ROBO1: variants seen among roughly 807,000 people sequenced by gnomAD.
ROBO1 encodes the protein roundabout guidance receptor 1, also known as roundabout homolog 1.
In ROBO1, 149 loss-of-function variants were observed where a neutral mutation model predicts 195.9. That is an observed-to-expected ratio of 0.76 (90% CI 0.67 to 0.87). The LOEUF (loss-of-function observed/expected upper bound fraction) is 0.87, where lower values mean the gene tolerates loss of function less well. ROBO1 is among the 40% of genes least tolerant of loss of function. The pLI is 0.00. For missense variants in ROBO1, 1,933 were observed against 2,068.3 expected (o/e 0.93, Z 1.27); for synonymous variants, 816 against 733.2 (o/e 1.11, Z -1.82).
intron 2 of ROBO1, among the ~76,000 whole-genome samples, chr3:79,334,540 T>C (rs2034588427): frequency 6.6e-6 from 1 of 151,774 alleles, no homozygotes; most frequent in African/African-American, 2.4e-5. Context: ...GATAAACTTG[T>C]GTTCAGAGAA....
chr3:79,377,735 A>C (rs1469478408), intron 2 of ROBO1, among the ~76,000 whole-genome samples: 1 of 152,192 alleles, frequency 6.6e-6, no homozygotes, highest in Non-Finnish European at 1.5e-5. Context: ...TTCCTGCTGT[A>C]TCTCTCTAGC....
At chr3:78,929,359 T>C (rs1044717966) in intron 4 of ROBO1, among the ~76,000 whole-genome samples, 5 of 152,218 alleles carry the variant, frequency 3.3e-5, no homozygotes, top group Admixed American at 2.6e-4. Flanking sequence ...TTTTATCCCC[T>C]ACCAGACAGA....
chr3:78,617,629 A>T lies in ROBO1; in HGVS notation c.4282+6T>A. On this transcript the variant is annotated splice_donor_region_variant and intron_variant, in intron 27 of 30. Transcript: ENST00000464233. Reference sequence around the variant, plus strand: ...TCCCAGCTTGGTGAAAAGTGTTAGGACTCACCAGCAGCATCCTGCATTTGC... The same window carrying T: ...TCCCAGCTTGGTGAAAAGTGTTAGGTCTCACCAGCAGCATCCTGCATTTGC... 1 of 1,601,106 alleles carries T rather than the reference A, an allele frequency of 6.2e-7. No individual in the cohort carries two copies. The highest frequency in any genetic ancestry group is 2.2e-5 in the East Asian group (1 of 44,800).
intron 8 of ROBO1, among the ~76,000 whole-genome samples, chr3:78,700,908 C>T (rs761314360): frequency 6.6e-6 from 1 of 151,984 alleles, no homozygotes. Context: ...GGATTACAGG[C>T]GCACGCCACC....
intron 29 of ROBO1, among the ~76,000 whole-genome samples, chr3:78,604,590 T>C (rs924883554): frequency 5.3e-5 from 8 of 152,180 alleles, no homozygotes. Context: ...GACATTGTGG[T>C]CACACAATAG....
intron 3 of ROBO1, among the ~76,000 whole-genome samples, chr3:79,088,956 T>C (rs888957842): frequency 6.6e-5 from 10 of 152,214 alleles, no homozygotes; most frequent in Admixed American, 6.5e-5. Context: ...AATAATTAAA[T>C]GTACAGTTGG....
intron 2 of ROBO1, among the ~76,000 whole-genome samples, chr3:79,262,518 G>A (rs2082959645): frequency 6.6e-6 from 1 of 151,852 alleles, no homozygotes; most frequent in African/African-American, 2.4e-5. Context: ...CATCAACTAA[G>A]CTATACTTTC....
chr3:79,620,193 T>G (rs1944961002), intron 1 of ROBO1, among the ~76,000 whole-genome samples: 1 of 152,152 alleles, frequency 6.6e-6, no homozygotes, highest in South Asian at 2.1e-4. Context: ...TTGGACTGTC[T>G]AACTCACCCG....
intron 1 of ROBO1, among the ~76,000 whole-genome samples, chr3:79,604,222 G>A (rs1944418741): frequency 6.6e-6 from 1 of 151,716 alleles, no homozygotes; most frequent in South Asian, 2.1e-4. Context: ...AGAATAAAGG[G>A]GGAACAAATC....
chr3:78,938,705 A>G lies in ROBO1; in HGVS notation c.395T>C (p.Ile132Thr), dbSNP rs369117504. 1.9e-6 allele frequency: 3 copies of G among 1,613,836 alleles called. No homozygotes were observed. The highest frequency in any genetic ancestry group is 2.7e-5 in the African/African-American group (2 of 74,900). ...LPSGSLFFLR[I>T]VHGRKSRPDE... ...AGGTCTACTTTTCCGTCCATGTACT[A>G]TACGTAAGAAAAATAAAGATCCACT... Residue 132 changes from isoleucine (I) to threonine (T), a missense_variant, in exon 4 of 31, where the codon ATA becomes ACA. Physicochemically the swap from Ile to Thr is moderately conservative, Grantham distance 89. Coordinates refer to ENST00000464233, the MANE Select transcript of ROBO1 (RefSeq NM_002941.4).
chr3:78,788,339 C>T (rs1170950930), intron 4 of ROBO1, among the ~76,000 whole-genome samples: 4 of 148,916 alleles, frequency 2.7e-5, no homozygotes, highest in South Asian at 2.1e-4. Flanking sequence ...AGGATGGTCT[C>T]GATCTCCTGA....
chr3:79,152,670 T>C (rs1324588160), intron 2 of ROBO1, among the ~76,000 whole-genome samples: 1 of 151,756 alleles, frequency 6.6e-6, no homozygotes, highest in African/African-American at 2.4e-5. Flanking sequence ...TTGATGAAGC[T>C]GACAGTCAAA....
chr3:78,792,528 G>A (rs17311036), intron 4 of ROBO1, among the ~76,000 whole-genome samples: 1 of 151,936 alleles, frequency 6.6e-6, no homozygotes, highest in Non-Finnish European at 1.5e-5. Context: ...AAGCTATCAA[G>A]GGGTACAGGA....
intron 4 of ROBO1, among the ~76,000 whole-genome samples, chr3:78,748,542 G>A (rs1408153252): frequency 2.0e-5 from 3 of 152,010 alleles, no homozygotes; most frequent in Admixed American, 6.6e-5. Flanking sequence ...TGGAATGGAC[G>A]TCTTTCCATT....
chr3:78,686,761 T>G (rs2081061275), intron 9 of ROBO1, among the ~76,000 whole-genome samples: 1 of 152,170 alleles, frequency 6.6e-6, no homozygotes, highest in African/African-American at 2.4e-5. Context: ...AGCATCTCTG[T>G]TAGCTATCCA....
chr3:78,775,578 A>C (rs1203791141), intron 4 of ROBO1, among the ~76,000 whole-genome samples: 7 of 152,202 alleles, frequency 4.6e-5, no homozygotes, highest in Non-Finnish European at 8.8e-5. Flanking sequence ...ACAGAAGAAG[A>C]AGCAATGACA....
rs184940717 is a variant in ROBO1, at chr3:78,635,706, C to T, written c.3373+67G>A. ...TTACTTGCTAGTCGCAGACAAGTTTCAACATCTAGTCGAGGTGCTGAGAGT... is the reference window on the plus strand; with the variant it reads ...TTACTTGCTAGTCGCAGACAAGTTTTAACATCTAGTCGAGGTGCTGAGAGT... On this transcript the variant is annotated intron_variant, in intron 23 of 30. Coordinates refer to ENST00000464233, the MANE Select transcript of ROBO1 (RefSeq NM_002941.4). 71 of 1,345,506 alleles carry T rather than the reference C, an allele frequency of 5.3e-5. No individual in the cohort carries two copies. In the African/African-American group the frequency reaches 9.9e-4, roughly 19 times the overall value. The allele number at this position is 1,345,506 out of a possible 1,614,324, so 83.3% of individuals were successfully genotyped here.
intron 3 of ROBO1, among the ~76,000 whole-genome samples, chr3:79,096,391 T>C (rs1352777455): frequency 6.6e-6 from 1 of 151,962 alleles, no homozygotes; most frequent in Non-Finnish European, 1.5e-5. Flanking sequence ...AAGAAATTTA[T>C]ATGCAGGTTT....
chr3:79,201,234 C>T (rs2081757883), intron 2 of ROBO1, among the ~76,000 whole-genome samples: 1 of 151,876 alleles, frequency 6.6e-6, no homozygotes, highest in Non-Finnish European at 1.5e-5. Flanking sequence ...TGTTTAAAAC[C>T]TCAGTGAACT....
Sources: allele counts gnomAD v4.1 joint callset (sites outside exome capture counted in the v4.1 genomes callset), GRCh38; gene constraint gnomAD v4.1.1; transcripts MANE v1.5; gene names NCBI Gene and HGNC (gene_info 2026-07-23, HGNC 2026-07-21).